GRM8: variants seen among roughly 807,000 people sequenced by gnomAD.
The protein encoded by GRM8 is metabotropic glutamate receptor 8.
In GRM8, 47 loss-of-function variants were observed where a neutral mutation model predicts 87.2. The ratio of observed to expected loss-of-function variants is 0.54; its 90% CI spans 0.43 to 0.69. The LOEUF (loss-of-function observed/expected upper bound fraction) is 0.69. GRM8 is among the 30% of genes least tolerant of loss of function. GRM8 has a pLI of 0.00. For missense variants in GRM8, 1,019 were observed against 1,139.2 expected, an observed-to-expected ratio of 0.89 and a Z score of 1.52; for synonymous variants, 396 against 404.5, an observed-to-expected ratio of 0.98 and a Z score of 0.25.
intron 3 of GRM8, among the ~76,000 whole-genome samples, chr7:127,069,650 G>C (rs1821488095): frequency 6.6e-6 from 1 of 152,168 alleles, no homozygotes; most frequent in African/African-American, 2.4e-5. Flanking sequence ...CTTCCCACCA[G>C]AAGGTTTCTC....
At chr7:126,761,577 T>C (rs1409147061) in intron 7 of GRM8, among the ~76,000 whole-genome samples, 1 of 152,212 alleles carries the variant, frequency 6.6e-6, no homozygotes, top group Non-Finnish European at 1.5e-5. Flanking sequence ...GTTTCTTTTC[T>C]AAAACACTTA....
intron 6 of GRM8, among the ~76,000 whole-genome samples, chr7:126,777,246 G>A (rs1330801816): frequency 6.6e-6 from 1 of 152,078 alleles, no homozygotes; most frequent in Non-Finnish European, 1.5e-5. Flanking sequence ...AAAGGGAAGA[G>A]GGAGGATACA....
At chr7:126,445,407 A>C (rs1340411436) in intron 10 of GRM8, 1 of 152,120 alleles carries the variant, frequency 6.6e-6, no homozygotes. Flanking sequence ...CTACTGGTTG[A>C]GCACAGATTT....
intron 2 of GRM8, among the ~76,000 whole-genome samples, chr7:127,233,737 C>T (rs746999870): frequency 2.6e-5 from 4 of 152,192 alleles, no homozygotes; most frequent in African/African-American, 7.2e-5. Context: ...AGCCTTGAAG[C>T]GTCTTAGAGG....
chr7:126,957,274 C>A (rs1298300548), intron 3 of GRM8, among the ~76,000 whole-genome samples: 9 of 152,198 alleles, frequency 5.9e-5, no homozygotes, highest in Non-Finnish European at 8.8e-5. Flanking sequence ...CCACTTTCCC[C>A]CAACAATTAC....
chr7:126,552,673 C>T (rs1792713685), intron 8 of GRM8, among the ~76,000 whole-genome samples: 1 of 151,902 alleles, frequency 6.6e-6, no homozygotes, highest in South Asian at 2.1e-4. Context: ...ATTTGTTGGC[C>T]AAAGCATTTT....
rs17867106 is a variant in GRM8, at chr7:126,989,472, T to A, written c.728-84789A>T. ...GAAAATAAGCTGAAATCTGCACCTCTAATCACAGTGTCCTGTACCCTTTCA... is the reference window on the plus strand; with the variant it reads ...GAAAATAAGCTGAAATCTGCACCTCAAATCACAGTGTCCTGTACCCTTTCA... On this transcript the variant is annotated intron_variant, in intron 3 of 10. Coordinates refer to ENST00000339582, the MANE Select transcript of GRM8 (RefSeq NM_000845.3). Among the ~76,000 whole-genome samples, 1,369 of 152,342 alleles carry A rather than the reference T, an allele frequency of 9.0e-3. 16 individuals are homozygous for A. Among genetic ancestry groups the A allele is most frequent in the African/African-American group, 0.031 (1,273 of 41,584 alleles).
chr7:127,234,086 C>G (rs772078269), intron 2 of GRM8, among the ~76,000 whole-genome samples: 10 of 152,084 alleles, frequency 6.6e-5, no homozygotes, highest in Middle Eastern at 3.2e-3. Flanking sequence ...CTCTTGTGAC[C>G]CTCTATTGAT....
At chr7:126,941,619 C>CA (rs548231122) in intron 3 of GRM8, among the ~76,000 whole-genome samples, 2,427 of 107,908 alleles carry the variant, frequency 0.022, 49 homozygotes, top group African/African-American at 0.064. Context: ...GACTCTGTCT[C>CA]AAAAAAAAAA....
At chr7:126,613,553 C>T (rs1043024638) in intron 7 of GRM8, among the ~76,000 whole-genome samples, 2 of 152,104 alleles carry the variant, frequency 1.3e-5, no homozygotes, top group Non-Finnish European at 2.9e-5. Context: ...TGCAGCCCAC[C>T]GAGTGTGAGC....
chr7:126,997,012 C>T (rs1813239382), intron 3 of GRM8, among the ~76,000 whole-genome samples: 1 of 151,910 alleles, frequency 6.6e-6, no homozygotes, highest in Admixed American at 6.6e-5. Context: ...CAGCATCATT[C>T]TCACAGACAG....
At chr7:126,877,845 T>A (rs1456355450) in intron 6 of GRM8, among the ~76,000 whole-genome samples, 1 of 152,126 alleles carries the variant, frequency 6.6e-6, no homozygotes, top group East Asian at 1.9e-4. Context: ...CTTTGAAGAG[T>A]TGATTGATAG....
Position 126,815,867 on chromosome 7 carries a change from A to G in GRM8, c.1157-45802T>C, listed in dbSNP as rs188570469. Reference sequence around the variant, plus strand: ...GATAGCCATGATGATAACACAACAAAAAGGTCAAGATCTTGGGAAATGATG... The same window carrying G: ...GATAGCCATGATGATAACACAACAAGAAGGTCAAGATCTTGGGAAATGATG... On this transcript the variant is annotated intron_variant, in intron 6 of 10. Transcript: ENST00000339582. Among the ~76,000 whole-genome samples the G allele has an allele frequency of 1.7e-3, 261 of 152,246 alleles. 4 individuals are homozygous for G. The highest frequency in any genetic ancestry group is 1.2e-3 in the East Asian group (6 of 5,188).
chr7:126,505,983 T>C (rs1473288203), intron 9 of GRM8, among the ~76,000 whole-genome samples: 1 of 151,970 alleles, frequency 6.6e-6, no homozygotes, highest in Admixed American at 6.6e-5. Flanking sequence ...TTTTGCCCTG[T>C]CTCCCCATTC....
At chr7:126,967,851 A>G (rs985579591) in intron 3 of GRM8, among the ~76,000 whole-genome samples, 5 of 152,208 alleles carry the variant, frequency 3.3e-5, no homozygotes, top group African/African-American at 1.2e-4. Context: ...TACTATTAAT[A>G]TACAACTGGT....
chr7:127,024,453 G>A (rs978593476), intron 3 of GRM8, among the ~76,000 whole-genome samples: 2 of 151,800 alleles, frequency 1.3e-5, no homozygotes, highest in African/African-American at 4.9e-5. Flanking sequence ...ATGTTAATAC[G>A]ATAGTCAGAA....
intron 3 of GRM8, among the ~76,000 whole-genome samples, chr7:127,085,842 C>CAT (rs1300095877): frequency 5.9e-5 from 9 of 152,122 alleles, no homozygotes; most frequent in African/African-American, 2.2e-4. Context: ...ACTTTTGTTG[C>CAT]CATTGCTTTT....
At chr7:126,692,902 G>T (rs1808976036) in intron 7 of GRM8, among the ~76,000 whole-genome samples, 1 of 152,148 alleles carries the variant, frequency 6.6e-6, no homozygotes, top group Admixed American at 6.5e-5. Flanking sequence ...CAGAAAATTA[G>T]TAGGTTATAC....
intron 3 of GRM8, among the ~76,000 whole-genome samples, chr7:126,958,465 G>T (rs1018820583): frequency 6.6e-6 from 1 of 152,158 alleles, no homozygotes; most frequent in Admixed American, 6.5e-5. Flanking sequence ...TGGTCCAGCC[G>T]CAGCCTTGCA....
Sources: gnomAD v4.1 joint callset for allele counts (sites outside exome capture counted in the v4.1 genomes callset) on GRCh38, gnomAD v4.1.1 for gene constraint, MANE v1.5 for transcripts, NCBI Gene and HGNC (gene_info 2026-07-23, HGNC 2026-07-21) for gene names.